Variants in PTPN12 observed in about 807,000 individuals in gnomAD.
The protein encoded by PTPN12 is tyrosine-protein phosphatase non-receptor type 12.
In PTPN12, 29 loss-of-function variants were observed where a neutral mutation model predicts 97.6. The ratio of observed to expected loss-of-function variants is 0.30; its 90% CI spans 0.22 to 0.41. The LOEUF is 0.41. Among genes scored for constraint, PTPN12 ranks in the 10% least tolerant of loss-of-function variants. The pLI is 1.00. For synonymous variants in PTPN12, 327 were observed against 300.4 expected (o/e 1.09, Z -0.91); for missense variants, 819 against 926.0 (o/e 0.88, Z 1.50).
rs1807371673 is a variant in PTPN12, at chr7:77,549,412, C to T, written c.99+11767C>T. 1.3e-5 allele frequency among the ~76,000 whole-genome samples: 2 copies of T among 152,150 alleles called. 1 individual carries two copies. The highest frequency in any genetic ancestry group is 4.1e-4 in the South Asian group (2 of 4,830). Reference sequence around the variant, plus strand: ...GCATTATTTCACATTTACAGTTAGACATTAAACATCAGGCAAAATTTTAAG... The same window carrying T: ...GCATTATTTCACATTTACAGTTAGATATTAAACATCAGGCAAAATTTTAAG... On this transcript the variant is annotated intron_variant, in intron 1 of 17. Coordinates refer to ENST00000248594, the MANE Select transcript of PTPN12 (RefSeq NM_002835.4).
chr7:77,555,894 G>A (rs886944181), intron 1 of PTPN12, among the ~76,000 whole-genome samples: 4 of 151,722 alleles, frequency 2.6e-5, no homozygotes, highest in African/African-American at 9.7e-5. Context: ...CAGCCTGGGC[G>A]ACAGGGCGAG....
At chr7:77,607,912 C>A (rs1304839338) in intron 9 of PTPN12, among the ~76,000 whole-genome samples, 1 of 152,090 alleles carries the variant, frequency 6.6e-6, no homozygotes, top group African/African-American at 2.4e-5. Flanking sequence ...TGCCATCACG[C>A]CCAGCTAATG....
In PTPN12 at chr7:77,537,533, G is replaced by T. The variant is rs760435141; in HGVS notation, c.-14G>T. On this transcript the variant is annotated 5_prime_UTR_variant, in exon 1 of 18. Transcript: ENST00000248594. ...CGGGGGGGCCAGCGACCGCAGCCGGGGGGACGCGGGAGGATGGAGCAAGTG... is the reference window on the plus strand; with the variant it reads ...CGGGGGGGCCAGCGACCGCAGCCGGTGGGACGCGGGAGGATGGAGCAAGTG... The T allele has an allele frequency of 5.7e-6, 9 of 1,584,968 alleles. No individual in the cohort carries two copies. In the South Asian group the frequency reaches 6.9e-5, roughly 12 times the overall value.
In PTPN12 at chr7:77,625,520, T is replaced by A. The variant is rs28431959; in HGVS notation, c.1026-1185T>A. 6.3e-4 allele frequency among the ~76,000 whole-genome samples: 47 copies of A among 74,224 alleles called. 3 individuals are homozygous for A. Among genetic ancestry groups the A allele is most frequent in the African/African-American group, 8.4e-4 (15 of 17,844 alleles). The allele number at this position is 74,224 out of a possible 152,430, so 48.7% of individuals were successfully genotyped here. A position where few individuals can be genotyped will look rare whatever the true frequency, so the allele number is the denominator to read the frequency against. ...CTCTCTCTCTCTCTCTCTCTCTCTC[T>A]CTCACTCTCACTCTCACTCGCGCTC... On this transcript the variant is annotated intron_variant, in intron 12 of 17. Transcript: ENST00000248594.
intron 5 of PTPN12, among the ~76,000 whole-genome samples, chr7:77,591,679 TAAAG>T (rs1029752002): frequency 2.0e-4 from 30 of 152,234 alleles, no homozygotes; most frequent in South Asian, 6.2e-4. Flanking sequence ...TTTTTACAGA[TAAAG>T]AAACTAAAGG....
At chr7:77,594,826 A>G (rs1051321990) in intron 6 of PTPN12, among the ~76,000 whole-genome samples, 4 of 152,222 alleles carry the variant, frequency 2.6e-5, no homozygotes, top group African/African-American at 7.2e-5. Flanking sequence ...ATGTAATAAG[A>G]TAACTATAGT....
intron 14 of PTPN12, among the ~76,000 whole-genome samples, chr7:77,635,266 T>A (rs1393337842): frequency 1.3e-5 from 2 of 152,162 alleles, no homozygotes; most frequent in Non-Finnish European, 2.9e-5. Flanking sequence ...ACCCTGTCTG[T>A]ATAAAATCAA....
chr7:77,585,641 T>C, intron 5 of PTPN12, 60 bp downstream of exon 5: 1 of 1,436,178 alleles, frequency 7.0e-7, no homozygotes, highest in Non-Finnish European at 9.8e-7. Flanking sequence ...CTTAGTCTTT[T>C]ATTATTATAG....
At chr7:77,577,806 T>G (rs1787387287) in intron 2 of PTPN12, among the ~76,000 whole-genome samples, 2 of 152,170 alleles carry the variant, frequency 1.3e-5, no homozygotes, top group Admixed American at 1.3e-4. Flanking sequence ...GGTATTTCTG[T>G]GCCCCATTTT....
At chr7:77,589,303 T>C (rs1787792395) in intron 5 of PTPN12, among the ~76,000 whole-genome samples, 1 of 152,210 alleles carries the variant, frequency 6.6e-6, no homozygotes, top group African/African-American at 2.4e-5. Flanking sequence ...ATTTTTATGC[T>C]ATGTCGAAGT....
chr7:77,621,661 A>T (rs1421426164), intron 12 of PTPN12, among the ~76,000 whole-genome samples: 1 of 146,200 alleles, frequency 6.8e-6, no homozygotes, highest in Non-Finnish European at 1.5e-5. Context: ...ACAGAGCGAG[A>T]CTCCATCTCA....
intron 1 of PTPN12, among the ~76,000 whole-genome samples, chr7:77,538,391 A>T (rs1413849579): frequency 3.4e-5 from 4 of 118,826 alleles, no homozygotes; most frequent in Non-Finnish European, 5.0e-5. Context: ...CGGACTCCCC[A>T]GGGGATATTG....
intron 12 of PTPN12, among the ~76,000 whole-genome samples, chr7:77,622,754 G>T (rs1420185876): frequency 6.7e-6 from 1 of 150,032 alleles, no homozygotes; most frequent in Non-Finnish European, 1.5e-5. Flanking sequence ...CTGGGCAACA[G>T]AATGAGACTC....
chr7:77,601,638 A>G (rs1290052557), intron 8 of PTPN12, among the ~76,000 whole-genome samples: 1 of 152,166 alleles, frequency 6.6e-6, no homozygotes, highest in Non-Finnish European at 1.5e-5. Context: ...TAAGGGGACA[A>G]TGTCATTTGT....
At chr7:77,561,867 C>G (rs1808013726) in intron 1 of PTPN12, among the ~76,000 whole-genome samples, 1 of 151,926 alleles carries the variant, frequency 6.6e-6, no homozygotes, top group Admixed American at 6.6e-5. Flanking sequence ...TCTCGGCTCA[C>G]TGCAAGCTCC....
intron 2 of PTPN12, among the ~76,000 whole-genome samples, chr7:77,578,498 CCTTAT>C (rs1223796574): frequency 6.6e-6 from 1 of 152,072 alleles, no homozygotes; most frequent in Non-Finnish European, 1.5e-5. Flanking sequence ...AGTATATCTT[CCTTAT>C]ATGTGTCTTC....
intron 5 of PTPN12, among the ~76,000 whole-genome samples, chr7:77,591,664 T>TC (rs1324910704): frequency 6.6e-6 from 1 of 152,222 alleles, no homozygotes; most frequent in African/African-American, 2.4e-5. Context: ...GGATTATTAT[T>TC]CCTATTTTTA....
chr7:77,582,726 GT>G (rs1292702692), intron 3 of PTPN12, among the ~76,000 whole-genome samples: 5 of 150,636 alleles, frequency 3.3e-5, no homozygotes, highest in African/African-American at 9.8e-5. Context: ...GGAAGTTGCA[GT>G]AAGCCGAGAT....
chr7:77,581,842 G>GT (rs1205410717), intron 3 of PTPN12, among the ~76,000 whole-genome samples: 1 of 152,062 alleles, frequency 6.6e-6, no homozygotes, highest in Non-Finnish European at 1.5e-5. Context: ...CATATAGGTT[G>GT]TTTCCAAATT....
Sources: allele counts gnomAD v4.1 joint callset (sites outside exome capture counted in the v4.1 genomes callset), GRCh38; gene constraint gnomAD v4.1.1; transcripts MANE v1.5; gene names NCBI Gene and HGNC (gene_info 2026-07-23, HGNC 2026-07-21).